GYPB: variants seen among roughly 807,000 people sequenced by gnomAD.
GYPB encodes glycophorin B (MNS blood group).
GYPB carries 13 observed loss-of-function variants against 15.3 expected under a neutral mutation model. The observed-to-expected ratio is 0.85, with a 90% CI of 0.55 to 1.35. The LOEUF is 1.35. Among genes scored for constraint, GYPB ranks in the 40% most tolerant of loss-of-function variants. The probability of loss-of-function intolerance (pLI) is 0.00; values close to 1 mark genes in which losing one functional copy is unlikely to be tolerated. For synonymous variants in GYPB, 38 were observed against 36.9 expected, an observed-to-expected ratio of 1.03 and a Z score of -0.11; for missense variants, 131 against 108.3, an observed-to-expected ratio of 1.21 and a Z score of -0.93.
At chr4:144,011,226 A>G (rs2149966694) in intron 1 of GYPB, among the ~76,000 whole-genome samples, 1 of 151,328 alleles carries the variant, frequency 6.6e-6, no homozygotes, top group Non-Finnish European at 1.5e-5. Flanking sequence ...CTGAAATACA[A>G]AAAATTAACT....
chr4:144,004,308 T>A (rs1242070117), intron 1 of GYPB, among the ~76,000 whole-genome samples: 1 of 151,916 alleles, frequency 6.6e-6, no homozygotes, highest in Non-Finnish European at 1.5e-5. Context: ...ATCTTTTTCA[T>A]AGTTCATTTT....
At chr4:144,013,570 C>A (rs1221758604) in intron 1 of GYPB, among the ~76,000 whole-genome samples, 1 of 151,106 alleles carries the variant, frequency 6.6e-6, no homozygotes, top group African/African-American at 2.5e-5. Context: ...ACATTTACAC[C>A]ATGGAATACT....
chr4:144,001,463 A>T (rs1288474486), intron 1 of GYPB, among the ~76,000 whole-genome samples, 180 bp from the exon 2 acceptor site: 1 of 151,490 alleles, frequency 6.6e-6, no homozygotes, highest in East Asian at 1.9e-4. Flanking sequence ...TATTGGCCTT[A>T]TTTTAAAATT....
intron 1 of GYPB, among the ~76,000 whole-genome samples, chr4:144,017,739 A>G (rs1411061853): frequency 6.6e-6 from 1 of 151,384 alleles, no homozygotes; most frequent in South Asian, 2.1e-4. Context: ...ATTTTGTTTG[A>G]GCTACATCCA....
intron 1 of GYPB, 125 bp from the exon 2 acceptor site, chr4:144,001,408 A>G (rs1727621075): frequency 1.1e-5 from 17 of 1,495,044 alleles, no homozygotes; most frequent in Non-Finnish European, 1.4e-5. Context: ...TTTAGTATAT[A>G]TCTTACATAA....
Position 143,996,242 on chromosome 4 carries a change from G to C in GYPB, c.*57C>G. 6.5e-7 allele frequency: 1 copy of C among 1,550,204 alleles called. No individual in the cohort carries two copies. The highest frequency in any genetic ancestry group is 8.7e-7 in the Non-Finnish European group (1 of 1,146,686). ...AGGTGCAGCCAGTTTGCATAAACAA[G>C]AGAACAGCAGGTGCAGCCGGTTCTA... On this transcript the variant is annotated 3_prime_UTR_variant, in exon 5 of 5. Coordinates refer to ENST00000502664, the MANE Select transcript of GYPB (RefSeq NM_002100.6).
chr4:144,001,115 C>A (rs567423402), intron 2 of GYPB, 70 bp downstream of exon 2: 1 of 1,610,938 alleles, frequency 6.2e-7, no homozygotes, highest in Non-Finnish European at 8.5e-7. Flanking sequence ...AGTGACAGGT[C>A]CCCTAAAATA....
In GYPB at chr4:144,005,079, T is replaced by G. The variant is rs562014156; in HGVS notation, c.38-3796A>C. Among the ~76,000 whole-genome samples, 7 of 152,082 alleles carry G rather than the reference T, an allele frequency of 4.6e-5. No homozygotes were observed. The East Asian group carries it at 1.3e-3, about 29-fold the overall frequency. ...GCTAAATTAGCTTTCAAAAATCTAC[T>G]TGTGTCATTCCTAGATTAAAGGTCA... On this transcript the variant is annotated intron_variant, in intron 1 of 4. Transcript: ENST00000502664.
Position 144,000,383 on chromosome 4 carries a change from C to T in GYPB, c.136+802G>A, listed in dbSNP as rs1464946135. ...AAACTATTTAAAACTAAGAACATAA[C>T]GTTTTTCTTTTCTGGAGGGGAAACA... On this transcript the variant is annotated intron_variant, in intron 2 of 4. Transcript: ENST00000502664. The T allele has an allele frequency of 5.4e-5, 51 of 944,112 alleles. No homozygotes were observed. The East Asian group carries it at 2.3e-3, about 43-fold the overall frequency. The allele number at this position is 944,112 out of a possible 1,614,324, so 58.5% of individuals were successfully genotyped here. A position where few individuals can be genotyped will look rare whatever the true frequency, so the allele number is the denominator to read the frequency against.
chr4:143,995,231 C>G (rs537325186), downstream of GYPB, among the ~76,000 whole-genome samples: 91 of 151,426 alleles, frequency 6.0e-4, 3 homozygotes, highest in African/African-American at 2.0e-3. Flanking sequence ...TTCTGAAATA[C>G]TTTAGAATTT....
intron 1 of GYPB, among the ~76,000 whole-genome samples, chr4:144,006,338 G>A (rs1318237051): frequency 1.3e-5 from 2 of 151,946 alleles, no homozygotes; most frequent in African/African-American, 4.9e-5. Context: ...CCATGTGTTG[G>A]GGGAGAGAGC....
At chr4:144,003,967 A>G (rs1727747373) in intron 1 of GYPB, among the ~76,000 whole-genome samples, 4 of 151,468 alleles carry the variant, frequency 2.6e-5, no homozygotes, top group Non-Finnish European at 5.9e-5. Flanking sequence ...GGGAATTTCT[A>G]ACATTGAAGG....
intron 4 of GYPB, 47 bp downstream of exon 4, chr4:143,997,493 G>A (rs749875097): frequency 2.0e-6 from 2 of 999,992 alleles, no homozygotes; most frequent in Non-Finnish European, 3.2e-6. Context: ...CCCTCCTAGA[G>A]CTGTTCACAC....
At chr4:144,000,311 G>A (rs543973418) in intron 2 of GYPB, 413 of 298,056 alleles carry the variant, frequency 1.4e-3, no homozygotes, top group Non-Finnish European at 1.8e-3. Flanking sequence ...ACTGTCATGA[G>A]TTACAGCTCG....
At chr4:144,016,333 G>A (rs891674573) in intron 1 of GYPB, among the ~76,000 whole-genome samples, 2 of 149,656 alleles carry the variant, frequency 1.3e-5, no homozygotes, top group Non-Finnish European at 3.0e-5. Flanking sequence ...CCTTCCTCCT[G>A]TCTCTTCCCT....
At chr4:144,012,802 T>C (rs1307061515) in intron 1 of GYPB, 1 of 151,504 alleles carries the variant, frequency 6.6e-6, no homozygotes, top group African/African-American at 2.5e-5. Context: ...ATAGAAAAAT[T>C]AACTGATAAT....
rs1015273938 is a variant in GYPB at position 143,997,091 on chromosome 4, T to C, written c.270+449A>G. Among the ~76,000 whole-genome samples the C allele has an allele frequency of 2.0e-5, 3 of 150,978 alleles. 1 individual carries two copies. The highest frequency in any genetic ancestry group is 7.4e-5 in the African/African-American group (3 of 40,494). On this transcript the variant is annotated intron_variant, in intron 4 of 4. Transcript: ENST00000502664. Reference sequence around the variant, plus strand: ...CTTTCTAATTTTCATATTTTTTGTATAGACTAGGTTTCACCTTTTTGCTCA... The same window carrying C: ...CTTTCTAATTTTCATATTTTTTGTACAGACTAGGTTTCACCTTTTTGCTCA...
chr4:143,997,752 C>T (rs1056349246), intron 3 of GYPB, 118 bp from the exon 4 acceptor site: 6 of 665,748 alleles, frequency 9.0e-6, no homozygotes, highest in African/African-American at 7.4e-5. Flanking sequence ...GTACAGTTAA[C>T]ATACTATTAT....
Position 144,001,875 on chromosome 4 carries a change from T to C in GYPB, c.38-592A>G, listed in dbSNP as rs531677809. On this transcript the variant is annotated intron_variant, in intron 1 of 4. Coordinates refer to ENST00000502664, the MANE Select transcript of GYPB (RefSeq NM_002100.6). Reference sequence around the variant, plus strand: ...AAAAGTGGAAACAATAAGAAAACACTATTACATTGCATGAACCCAGGAGGC... The same window carrying C: ...AAAAGTGGAAACAATAAGAAAACACCATTACATTGCATGAACCCAGGAGGC... Among the ~76,000 whole-genome samples, 10 of 147,410 alleles carry C rather than the reference T, an allele frequency of 6.8e-5. No individual in the cohort carries two copies. The South Asian group carries it at 2.1e-3, about 31-fold the overall frequency.
Sources: allele counts gnomAD v4.1 joint callset (sites outside exome capture counted in the v4.1 genomes callset), GRCh38; gene constraint gnomAD v4.1.1; transcripts MANE v1.5; gene names NCBI Gene and HGNC (gene_info 2026-07-23, HGNC 2026-07-21).